The following MTHFD1L variants were observed in gnomAD, a reference collection of about 807,000 sequenced individuals.
MTHFD1L encodes the protein monofunctional C1-tetrahydrofolate synthase, mitochondrial.
MTHFD1L carries 81 observed loss-of-function variants against 119.5 expected under a neutral mutation model. That is an observed-to-expected ratio of 0.68 (90% CI 0.57 to 0.82). The LOEUF is 0.82. Ranked by LOEUF, MTHFD1L falls within the 40% of genes least tolerant of loss-of-function variation. MTHFD1L has a pLI of 0.00. For missense variants in MTHFD1L, 1,125 were observed against 1,253.4 expected (o/e 0.90, Z 1.55); for synonymous variants, 430 against 475.2 (o/e 0.90, Z 1.24).
At chr6:151,045,238 T>C (rs1166542037) in intron 26 of MTHFD1L, among the ~76,000 whole-genome samples, 1 of 152,138 alleles carries the variant, frequency 6.6e-6, no homozygotes, top group East Asian at 1.9e-4. Context: ...AATGAGACAA[T>C]TAAACATTCA....
At chr6:151,070,725 G>C (rs1400402523) in intron 26 of MTHFD1L, among the ~76,000 whole-genome samples, 1 of 152,232 alleles carries the variant, frequency 6.6e-6, no homozygotes, top group Non-Finnish European at 1.5e-5. Flanking sequence ...CAGCTGGCCA[G>C]ATTTGCTGTG....
intron 20 of MTHFD1L, among the ~76,000 whole-genome samples, chr6:151,000,094 T>C (rs9478901): frequency 0.23 from 34,989 of 152,088 alleles, 4,110 homozygotes; most frequent in Middle Eastern, 0.31. Context: ...AATCCCAGAA[T>C]TTTGGGAAGC....
chr6:150,958,914 TGAA>T (rs1796034987), intron 17 of MTHFD1L, among the ~76,000 whole-genome samples: 1 of 152,186 alleles, frequency 6.6e-6, no homozygotes, highest in Admixed American at 6.5e-5. Context: ...CAATTACAAA[TGAA>T]GAGCTTGAAT....
At chr6:151,001,118 A>T (rs1780553052) in intron 20 of MTHFD1L, among the ~76,000 whole-genome samples, 1 of 152,242 alleles carries the variant, frequency 6.6e-6, no homozygotes, top group Non-Finnish European at 1.5e-5. Flanking sequence ...AACCTCTGGC[A>T]GTCCATAAAT....
At position 150,893,357 on chromosome 6, in the gene MTHFD1L, G is replaced by A. The variant is rs576084863; in HGVS notation, c.780+5376G>A. Reference sequence around the variant, plus strand: ...TGGAATTAGAGGCCTGAGTCACTGTGCCTGGCCCACATGGGGATTTTTGTT... The same window carrying A: ...TGGAATTAGAGGCCTGAGTCACTGTACCTGGCCCACATGGGGATTTTTGTT... On this transcript the variant is annotated intron_variant, in intron 7 of 27. Coordinates refer to ENST00000367321, the MANE Select transcript of MTHFD1L (RefSeq NM_015440.5). Among the ~76,000 whole-genome samples the A allele has an allele frequency of 1.2e-4, 19 of 152,260 alleles. No individual in the cohort carries two copies. In the South Asian group the frequency reaches 3.9e-3, roughly 32 times the overall value.
At chr6:150,890,131 G>A (rs1222835186) in intron 7 of MTHFD1L, among the ~76,000 whole-genome samples, 1 of 152,044 alleles carries the variant, frequency 6.6e-6, no homozygotes, top group Non-Finnish European at 1.5e-5. Context: ...ACTCCAGCCT[G>A]GGCAACAAGA....
In MTHFD1L at chr6:151,015,620, C is replaced by G. The variant is rs372067558; in HGVS notation, c.2513C>G (p.Ser838Trp). The G allele has an allele frequency of 1.9e-6, 3 of 1,613,988 alleles. No homozygotes were observed. The highest frequency in any genetic ancestry group is 1.3e-5 in the African/African-American group (1 of 74,898). ...CYHWSVGGKG[S>W]VDLARAVREA... is the part of the protein sequence containing the mutation. ...CACTGGTCCGTTGGTGGAAAAGGAT[C>G]GGTGGACTTGGCTCGGGCTGTGAGA... The change falls in exon 24 of 28, where the codon TCG (serine) becomes TGG (tryptophan). Residue 838 changes from serine to tryptophan, a missense_variant. This residue lies in a region of MTHFD1L where 1,058 missense variants were observed against 1,151.2 expected (regional missense o/e 0.92). Coordinates refer to ENST00000367321, the MANE Select transcript of MTHFD1L (RefSeq NM_015440.5).
intron 7 of MTHFD1L, chr6:150,899,073 C>A: frequency 1.3e-6 from 1 of 795,602 alleles, no homozygotes; most frequent in Non-Finnish European, 1.5e-6. Flanking sequence ...GAGGAATTGT[C>A]TTTTCTAGCA....
intron 26 of MTHFD1L, chr6:151,055,983 T>G (rs1202960512): frequency 1.3e-5 from 2 of 152,220 alleles, no homozygotes; most frequent in Non-Finnish European, 2.9e-5. Flanking sequence ...TTAGTAAATT[T>G]TAGGATAAAT....
chr6:150,945,083 T>A (rs1173962940), intron 14 of MTHFD1L, among the ~76,000 whole-genome samples: 1 of 152,230 alleles, frequency 6.6e-6, no homozygotes, highest in Non-Finnish European at 1.5e-5. Context: ...AGCTAATTCC[T>A]CACAGATATA....
chr6:151,073,299 A>G (rs1417870790), intron 26 of MTHFD1L, among the ~76,000 whole-genome samples: 2 of 152,212 alleles, frequency 1.3e-5, no homozygotes, highest in Non-Finnish European at 2.9e-5. Context: ...CACCAGAGAA[A>G]GGATCACCCG....
chr6:151,100,310 TTTTA>T (rs1690131644), intron 27 of MTHFD1L, among the ~76,000 whole-genome samples: 2 of 152,134 alleles, frequency 1.3e-5, no homozygotes, highest in South Asian at 4.2e-4. Flanking sequence ...GCCTGAAATA[TTTTA>T]TTTTTGTTCA....
At chr6:150,906,387 C>T (rs577891282) in intron 8 of MTHFD1L, among the ~76,000 whole-genome samples, 7 of 152,314 alleles carry the variant, frequency 4.6e-5, no homozygotes, top group South Asian at 4.1e-4. Context: ...AAGCAGTGCC[C>T]GCAACAGGGC....
chr6:151,099,620 A>T lies in MTHFD1L; in HGVS notation c.*32-1906A>T, dbSNP rs1287369537. On this transcript the variant is annotated intron_variant, in intron 27 of 27. Transcript: ENST00000367321. ...CAGTCAGACCATTATGTCAAAATTA[A>T]GCGTAACTGGTGGAAACCCAGAGGC... The T allele has an allele frequency of 3.7e-6, 6 of 1,608,952 alleles. No individual in the cohort carries two copies. The Admixed American group carries it at 8.3e-5, about 22-fold the overall frequency.
chr6:150,899,091 C>T, intron 7 of MTHFD1L: 1 of 620,386 alleles, frequency 1.6e-6, no homozygotes, highest in Non-Finnish European at 2.0e-6. Flanking sequence ...GCATTTTGGA[C>T]ACAACTAAAT....
At chr6:151,002,491 C>T (rs1014134106) in intron 20 of MTHFD1L, among the ~76,000 whole-genome samples, 19 of 152,122 alleles carry the variant, frequency 1.2e-4, no homozygotes, top group African/African-American at 3.9e-4. Context: ...GCACATTGAG[C>T]GGTAAGGCGG....
At chr6:151,008,371 A>T (rs1475795915) in intron 20 of MTHFD1L, among the ~76,000 whole-genome samples, 1 of 152,216 alleles carries the variant, frequency 6.6e-6, no homozygotes, top group East Asian at 1.9e-4. Flanking sequence ...ATAAACATTT[A>T]CTTTGTATTA....
intron 21 of MTHFD1L, among the ~76,000 whole-genome samples, chr6:151,013,244 G>A (rs1458287037): frequency 6.6e-6 from 1 of 152,098 alleles, no homozygotes; most frequent in Non-Finnish European, 1.5e-5. Context: ...TCTGGGTGTG[G>A]TGGTACACAC....
At chr6:151,009,691 G>C in intron 20 of MTHFD1L, 128 bp from the exon 21 acceptor site, 1 of 1,084,652 alleles carries the variant, frequency 9.2e-7, no homozygotes. Context: ...GGGGAAATCA[G>C]TTCACCTTTG....
Sources: gnomAD v4.1 joint callset for allele counts (sites outside exome capture counted in the v4.1 genomes callset) on GRCh38, gnomAD v4.1.1 for gene constraint, gnomAD v4.1.1 regional missense constraint, MANE v1.5 for transcripts, NCBI Gene and HGNC (gene_info 2026-07-23, HGNC 2026-07-21) for gene names.